Variants in PLXNA4 observed in about 807,000 individuals in gnomAD.
The protein encoded by PLXNA4 is plexin-A4.
Under a neutral mutation model 191.8 loss-of-function variants are expected in PLXNA4, and 44 were observed. The ratio of observed to expected loss-of-function variants is 0.23; its 90% confidence interval spans 0.18 to 0.29. The LOEUF (loss-of-function observed/expected upper bound fraction) is 0.29, where lower values mean the gene tolerates loss of function less well. Ranked by LOEUF, PLXNA4 falls within the 10% of genes least tolerant of loss-of-function variation. PLXNA4 has a pLI of 1.00. For missense variants in PLXNA4, 1,800 were observed against 2,488.8 expected, an observed-to-expected ratio of 0.72 and a Z score of 5.89; for synonymous variants, 1,082 against 1,009.5, an observed-to-expected ratio of 1.07 and a Z score of -1.36.
At chr7:132,228,911 G>C (rs188015857) in intron 5 of PLXNA4, among the ~76,000 whole-genome samples, 9 of 152,226 alleles carry the variant, frequency 5.9e-5, no homozygotes, top group African/African-American at 1.7e-4. Flanking sequence ...CACCTGTCCA[G>C]TTCCTACTTT....
rs796452948 is a variant in PLXNA4, at chr7:132,214,184, G to T, written c.2098-3041C>A. Reference sequence around the variant, plus strand: ...CCCCCTGAAGTCCAGGGGACTCGGAGCTGTGAAACCCTCCGGAGCTGGGCT... The same window carrying T: ...CCCCCTGAAGTCCAGGGGACTCGGATCTGTGAAACCCTCCGGAGCTGGGCT... On this transcript the variant is annotated intron_variant, in intron 9 of 31. Transcript: ENST00000321063. Among the ~76,000 whole-genome samples the T allele has an allele frequency of 4.6e-5, 7 of 152,270 alleles. 1 individual carries two copies. Among genetic ancestry groups the T allele is most frequent in the African/African-American group, 1.7e-4 (7 of 41,560 alleles).
In PLXNA4 at chr7:132,536,035, C is replaced by T. The variant is rs1799818097; in HGVS notation, c.-86-27256G>A. 2.0e-5 allele frequency among the ~76,000 whole-genome samples: 3 copies of T among 152,184 alleles called. No individual in the cohort carries two copies. The South Asian group carries it at 6.2e-4, about 32-fold the overall frequency. On this transcript the variant is annotated intron_variant, in intron 1 of 31. Transcript: ENST00000321063. Reference sequence around the variant, plus strand: ...CTGCTTCCCACAGCAATTGGGCATGCCAAACTTGGAGAAAAACTTACCTTC... The same window carrying T: ...CTGCTTCCCACAGCAATTGGGCATGTCAAACTTGGAGAAAAACTTACCTTC...
At chr7:132,258,628 A>ACACT (rs367933451) in intron 4 of PLXNA4, among the ~76,000 whole-genome samples, 153 of 152,244 alleles carry the variant, frequency 1.0e-3, no homozygotes, top group African/African-American at 3.5e-3. Context: ...TGACCCTGTG[A>ACACT]CACTCATGTG....
At chr7:132,619,255 G>A (rs549187520) in intron 2 of PLXNA4, among the ~76,000 whole-genome samples, 106 of 152,258 alleles carry the variant, frequency 7.0e-4, no homozygotes, top group Non-Finnish European at 1.4e-3. Flanking sequence ...TCTCTGGCTA[G>A]CCCCCAAGAG....
chr7:132,253,284 G>A (rs1265091528), intron 4 of PLXNA4, among the ~76,000 whole-genome samples: 1 of 145,478 alleles, frequency 6.9e-6, no homozygotes, highest in East Asian at 2.0e-4. Context: ...CACCCAGGCT[G>A]GAGTGCAGTG....
chr7:132,149,347 T>C (rs1023980261), intron 25 of PLXNA4, among the ~76,000 whole-genome samples: 2 of 152,226 alleles, frequency 1.3e-5, no homozygotes, highest in African/African-American at 4.8e-5. Flanking sequence ...CTACAATACA[T>C]GGGCTTACTG....
intron 3 of PLXNA4, among the ~76,000 whole-genome samples, chr7:132,408,595 C>T (rs947622257): frequency 2.0e-5 from 3 of 152,066 alleles, no homozygotes; most frequent in African/African-American, 4.8e-5. Context: ...TCATGAGTAG[C>T]TGGGACTACA....
rs558274374 is a variant in PLXNA4 at position 132,533,215 on chromosome 7, A to G, written c.-86-24436T>C. On this transcript the variant is annotated intron_variant, in intron 1 of 31. Coordinates refer to ENST00000321063, the MANE Select transcript of PLXNA4 (RefSeq NM_020911.2). ...GCTTCTTATTTTCAGTTGCATGCAC[A>G]GTACTCAGCACAGTATAAACACCCA... Among the ~76,000 whole-genome samples the G allele has an allele frequency of 2.6e-5, 4 of 152,298 alleles. No individual in the cohort carries two copies. The East Asian group carries it at 5.8e-4, about 22-fold the overall frequency.
intron 2 of PLXNA4, among the ~76,000 whole-genome samples, chr7:132,635,540 A>C (rs1448336200): frequency 6.6e-6 from 1 of 152,148 alleles, no homozygotes; most frequent in East Asian, 1.9e-4. Flanking sequence ...AATTAGAAGG[A>C]AAAAACAATG....
intron 2 of PLXNA4, among the ~76,000 whole-genome samples, chr7:132,618,787 CAAG>C (rs1803205474): frequency 6.6e-6 from 1 of 152,144 alleles, no homozygotes; most frequent in Admixed American, 6.5e-5. Context: ...TAATTAGAGA[CAAG>C]AAGATTATAT....
At chr7:132,312,430 G>A (rs1365428466) in intron 3 of PLXNA4, among the ~76,000 whole-genome samples, 3 of 152,156 alleles carry the variant, frequency 2.0e-5, no homozygotes, top group African/African-American at 4.8e-5. Context: ...TGTTTCAGAT[G>A]TGAAAACTGA....
At chr7:132,608,169 T>G (rs1183083461) in intron 2 of PLXNA4, among the ~76,000 whole-genome samples, 9 of 6,758 alleles carry the variant, frequency 1.3e-3, no homozygotes, top group Non-Finnish European at 2.8e-3. Flanking sequence ...CCGCCATCAT[T>G]CTCATCACTA....
intron 31 of PLXNA4, among the ~76,000 whole-genome samples, chr7:132,132,468 C>T (rs57393113): frequency 0.11 from 4,482 of 41,940 alleles, 330 homozygotes; most frequent in South Asian, 0.19. Context: ...TTCTGTTCTG[C>T]TCTGCTCTGC....
Position 132,130,529 on chromosome 7 carries a change from G to C in PLXNA4, c.5635C>G (p.Leu1879Val), listed in dbSNP as rs1794896735. The change falls in exon 32 of 32, where the codon CTG (leucine) becomes GTG (valine). Residue 1879 changes from leucine to valine, a missense_variant. Physicochemically the swap from Leu to Val is conservative, Grantham distance 32. This residue lies in a region of PLXNA4 where 83 missense variants were observed against 81.6 expected (regional missense o/e 1.02). Coordinates refer to ENST00000321063, the MANE Select transcript of PLXNA4 (RefSeq NM_020911.2). The part of the protein sequence containing the change: ...DHDDQCGKQK[L>V]AYKLEQVITL... ...ATGACTTGTTCTAGTTTGTAGGCCA[G>C]TTTCTGCTTCCCACACTGGTCATCG... The C allele has an allele frequency of 6.2e-7, 1 of 1,614,076 alleles. No homozygotes were observed. Among genetic ancestry groups the C allele is most frequent in the African/African-American group, 1.3e-5 (1 of 74,920 alleles).
intron 3 of PLXNA4, among the ~76,000 whole-genome samples, chr7:132,306,623 A>G (rs1354317085): frequency 4.6e-5 from 7 of 152,180 alleles, no homozygotes; most frequent in Non-Finnish European, 8.8e-5. Context: ...TAGCACACCA[A>G]AGAGTGCCAG....
At chr7:132,454,998 A>G (rs72607777) in intron 3 of PLXNA4, among the ~76,000 whole-genome samples, 5,469 of 152,292 alleles carry the variant, frequency 0.036, 339 homozygotes, top group East Asian at 0.29. Context: ...GCTGGCCAAG[A>G]GAAGCAGGTT....
At chr7:132,622,570 A>G (rs1470953341) in intron 2 of PLXNA4, among the ~76,000 whole-genome samples, 2 of 151,832 alleles carry the variant, frequency 1.3e-5, no homozygotes, top group African/African-American at 4.8e-5. Flanking sequence ...TCCCTGGCCT[A>G]TGTCACAGGT....
intron 4 of PLXNA4, among the ~76,000 whole-genome samples, chr7:132,247,391 C>A (rs977782235): frequency 6.6e-6 from 1 of 151,658 alleles, no homozygotes; most frequent in African/African-American, 2.4e-5. Flanking sequence ...CAATTTCCTT[C>A]AAAATTGTCA....
At chr7:132,347,635 G>A (rs1453583611) in intron 3 of PLXNA4, among the ~76,000 whole-genome samples, 1 of 152,190 alleles carries the variant, frequency 6.6e-6, no homozygotes, top group African/African-American at 2.4e-5. Context: ...AGGGTCTAGT[G>A]TTGAGTAGGT....
Sources: allele counts gnomAD v4.1 joint callset (sites outside exome capture counted in the v4.1 genomes callset), GRCh38; gene constraint gnomAD v4.1.1; regional missense constraint gnomAD v4.1.1; transcripts MANE v1.5; gene names NCBI Gene and HGNC (gene_info 2026-07-23, HGNC 2026-07-21).